Variants in SEPTIN9 observed in about 807,000 individuals in gnomAD.
SEPTIN9 encodes septin 9.
SEPTIN9 carries 13 observed loss-of-function variants against 56.6 expected under a neutral mutation model. That is an observed-to-expected ratio of 0.23 (90% CI 0.15 to 0.37). SEPTIN9 has a LOEUF of 0.37. Among genes scored for constraint, SEPTIN9 ranks in the 10% least tolerant of loss-of-function variants. SEPTIN9 has a pLI of 1.00. For synonymous variants in SEPTIN9, 332 were observed against 334.1 expected (o/e 0.99, Z 0.07); for missense variants, 650 against 823.1 (o/e 0.79, Z 2.57).
intron 2 of SEPTIN9, chr17:77,373,347 C>A: frequency 3.4e-6 from 4 of 1,184,042 alleles, no homozygotes; most frequent in Non-Finnish European, 4.2e-6. Flanking sequence ...ATTCATTCAG[C>A]TGAGCCAGGG....
At chr17:77,362,967 G>A (rs1361883072) in intron 2 of SEPTIN9, among the ~76,000 whole-genome samples, 1 of 152,226 alleles carries the variant, frequency 6.6e-6, no homozygotes, top group Non-Finnish European at 1.5e-5. Flanking sequence ...CAGGCACAGA[G>A]GTCTGGCACC....
Position 77,287,040 on chromosome 17 carries a change from A to G in SEPTIN9, c.19+5486A>G, listed in dbSNP as rs1251015841. Among the ~76,000 whole-genome samples, 5 of 152,348 alleles carry G rather than the reference A, an allele frequency of 3.3e-5. No homozygotes were observed. In the East Asian group the frequency reaches 9.6e-4, roughly 29 times the overall value. ...TGGGTGAAGCCCTCGGGGCTTGTAC[A>G]CAGCACACAGCGCTGTGGCCCCATG... On this transcript the variant is annotated intron_variant, in intron 1 of 11. Transcript: ENST00000427177.
intron 2 of SEPTIN9, among the ~76,000 whole-genome samples, chr17:77,372,094 G>C (rs1013574635): frequency 2.0e-5 from 3 of 152,034 alleles, no homozygotes; most frequent in Non-Finnish European, 4.4e-5. Context: ...TCAAGGGACC[G>C]GAGTGCAGTT....
intron 2 of SEPTIN9, among the ~76,000 whole-genome samples, chr17:77,372,722 G>A (rs888773856): frequency 2.6e-5 from 4 of 152,116 alleles, no homozygotes; most frequent in Non-Finnish European, 5.9e-5. Context: ...GGCCCCCGGG[G>A]CGGTGGTCGT....
intron 2 of SEPTIN9, among the ~76,000 whole-genome samples, chr17:77,388,622 T>A (rs1055510892): frequency 6.6e-6 from 1 of 152,146 alleles, no homozygotes; most frequent in Non-Finnish European, 1.5e-5. Context: ...GGGAAGCAGC[T>A]GGCTCCTGGG....
At chr17:77,424,380 T>C (rs2036821332) in intron 3 of SEPTIN9, among the ~76,000 whole-genome samples, 1 of 152,240 alleles carries the variant, frequency 6.6e-6, no homozygotes, top group African/African-American at 2.4e-5. Flanking sequence ...TCGAGCCCCT[T>C]GGCTCAGTGG....
intron 2 of SEPTIN9, among the ~76,000 whole-genome samples, chr17:77,358,394 G>A (rs2034319142): frequency 6.6e-6 from 1 of 152,222 alleles, no homozygotes; most frequent in African/African-American, 2.4e-5. Flanking sequence ...ACCAAGGCGG[G>A]TGGATCACTT....
In SEPTIN9 at chr17:77,405,554, C is replaced by G. The variant is rs8080478; in HGVS notation, c.721+2851C>G. Among the ~76,000 whole-genome samples the G allele has an allele frequency of 0.02, 3,023 of 152,256 alleles. 119 individuals are homozygous for G. Among genetic ancestry groups the G allele is most frequent in the East Asian group, 0.17 (865 of 5,162 alleles). On this transcript the variant is annotated intron_variant, in intron 3 of 11. Transcript: ENST00000427177. The surrounding 1 kb of genome is among the most constrained non-coding windows in gnomAD (Gnocchi z 5.8). The stretch of plus-strand genomic sequence containing the variant: ...GACCTGTGCAGGTGGGAGTCCAGCT[C>G]ACGTGGAGAGGTCCGTGGGCTGGGC...
At chr17:77,388,785 G>A (rs1371292085) in intron 2 of SEPTIN9, among the ~76,000 whole-genome samples, 1 of 147,228 alleles carries the variant, frequency 6.8e-6, no homozygotes, top group East Asian at 2.1e-4. Context: ...CTCCACCTGG[G>A]CCAAGTGGCC....
chr17:77,437,646 G>C lies in SEPTIN9; in HGVS notation c.721+34943G>C, dbSNP rs2037390530. ...GAGGGGCCTGCCGTCACCATCGCCA[G>C]TGGCCCTGGCCTGCCCAGTCATCCT... is the stretch of plus-strand genomic sequence containing the variant. On this transcript the variant is annotated intron_variant, in intron 3 of 11. Coordinates refer to ENST00000427177, the MANE Select transcript of SEPTIN9 (RefSeq NM_001113491.2). This position sits in a 1 kb window ranked among gnomAD's most constrained non-coding sequence, Gnocchi z 5.3. Among the ~76,000 whole-genome samples the C allele has an allele frequency of 6.6e-6, 1 of 152,156 alleles. No homozygotes were observed. Among genetic ancestry groups the C allele is most frequent in the Non-Finnish European group, 1.5e-5 (1 of 68,018 alleles).
intron 1 of SEPTIN9, among the ~76,000 whole-genome samples, chr17:77,296,730 G>T (rs992686518): frequency 1.3e-5 from 2 of 152,154 alleles, no homozygotes; most frequent in African/African-American, 4.8e-5. Flanking sequence ...GTGCATGTCT[G>T]TAATCCCAGC....
intron 2 of SEPTIN9, among the ~76,000 whole-genome samples, chr17:77,363,379 C>CTCTTT (rs2034478950): frequency 1.5e-5 from 1 of 66,614 alleles, no homozygotes; most frequent in African/African-American, 6.2e-5. Flanking sequence ...TTGGGCCTGT[C>CTCTTT]TTTTTTTTTT....
intron 3 of SEPTIN9, among the ~76,000 whole-genome samples, chr17:77,416,554 T>C (rs552655185): frequency 5.6e-4 from 85 of 152,212 alleles, no homozygotes; most frequent in African/African-American, 2.0e-3. Flanking sequence ...AGCTGCCCCA[T>C]GGAGGAGCTG....
intron 4 of SEPTIN9, among the ~76,000 whole-genome samples, chr17:77,485,111 GGGT>G (rs1421248152): frequency 2.1e-5 from 3 of 145,206 alleles, no homozygotes; most frequent in Admixed American, 6.9e-5. Flanking sequence ...GTGGTGATGT[GGGT>G]GGTGGTGGTG....
chr17:77,354,639 TG>T (rs967706217), intron 2 of SEPTIN9, among the ~76,000 whole-genome samples: 4 of 152,098 alleles, frequency 2.6e-5, no homozygotes, highest in Admixed American at 2.0e-4. Flanking sequence ...TCCCAGCAGC[TG>T]GGGTGGATCA....
chr17:77,368,218 G>A (rs763993306), intron 2 of SEPTIN9, among the ~76,000 whole-genome samples: 7 of 152,222 alleles, frequency 4.6e-5, no homozygotes, highest in African/African-American at 7.2e-5. Flanking sequence ...AAGAAGTTTC[G>A]GAGGTGGATG....
chr17:77,434,753 G>A lies in SEPTIN9; in HGVS notation c.721+32050G>A, dbSNP rs1468648981. On this transcript the variant is annotated intron_variant, in intron 3 of 11. Transcript: ENST00000427177. This position sits in a 1 kb window ranked among gnomAD's most constrained non-coding sequence, Gnocchi z 5.0. ...GTGTGGAAGCCTGGGTGTGATGAAG[G>A]CAAGGACCGGTGGCTCACCCCTCTT... 6.6e-6 allele frequency among the ~76,000 whole-genome samples: 1 copy of A among 152,228 alleles called. No homozygotes were observed. The highest frequency in any genetic ancestry group is 1.5e-5 in the Non-Finnish European group (1 of 68,032).
chr17:77,495,688 A>C (rs937667535), intron 10 of SEPTIN9, among the ~76,000 whole-genome samples: 1 of 152,122 alleles, frequency 6.6e-6, no homozygotes, highest in Non-Finnish European at 1.5e-5. Context: ...GCTGCCCGTC[A>C]GTGTTAGATG....
At chr17:77,481,528 C>A (rs537478009) in intron 3 of SEPTIN9, among the ~76,000 whole-genome samples, 3 of 150,758 alleles carry the variant, frequency 2.0e-5, no homozygotes, top group South Asian at 4.3e-4. Flanking sequence ...CCATGGGGAC[C>A]GACGCTGGTT....
Sources: gnomAD v4.1 joint callset for allele counts (sites outside exome capture counted in the v4.1 genomes callset) on GRCh38, gnomAD v4.1.1 for gene constraint, Gnocchi (gnomAD v3.1) non-coding constraint, MANE v1.5 for transcripts, NCBI Gene and HGNC (gene_info 2026-07-23, HGNC 2026-07-21) for gene names.